Variants in DESI1 observed in about 807,000 individuals in gnomAD.
DESI1 encodes desumoylating isopeptidase 1.
A neutral mutation model predicts 22.4 loss-of-function variants in DESI1; 17 were observed. The observed-to-expected ratio is 0.76, with a 90% CI of 0.52 to 1.14. The LOEUF (loss-of-function observed/expected upper bound fraction) is 1.14, where lower values mean the gene tolerates loss of function less well. Among genes scored for constraint, DESI1 ranks in the 50% most tolerant of loss-of-function variants. The pLI is 0.00. For missense variants in DESI1, 177 were observed against 208.9 expected (o/e 0.85, Z 0.94); for synonymous variants, 92 against 84.2 (o/e 1.09, Z -0.51).
intron 5 of DESI1, chr22:41,602,295 C>T (rs935961633): frequency 1.0e-6 from 1 of 985,418 alleles, no homozygotes; most frequent in South Asian, 4.7e-5. Flanking sequence ...ATAATAACAG[C>T]AAGCACATTC....
intron 1 of DESI1, among the ~76,000 whole-genome samples, chr22:41,610,366 G>T (rs2067509743): frequency 1.3e-5 from 2 of 150,960 alleles, no homozygotes; most frequent in African/African-American, 4.9e-5. Context: ...TGGGCAACAG[G>T]GTGAGACTCT....
intron 3 of DESI1, among the ~76,000 whole-genome samples, chr22:41,604,813 G>A (rs2147039386): frequency 6.6e-6 from 1 of 152,154 alleles, no homozygotes; most frequent in African/African-American, 2.4e-5. Context: ...AGCTGTCCTG[G>A]GCTGCGTATG....
intron 4 of DESI1, 22 bp from the exon 5 acceptor site, chr22:41,603,403 G>A (rs1370481690): frequency 6.2e-7 from 1 of 1,613,958 alleles, no homozygotes; most frequent in Middle Eastern, 1.6e-4. Flanking sequence ...AAGGTTTGCA[G>A]AACATATATG....
intron 3 of DESI1, among the ~76,000 whole-genome samples, chr22:41,606,736 T>C (rs1361638661): frequency 8.4e-6 from 1 of 118,528 alleles, no homozygotes; most frequent in African/African-American, 3.4e-5. Context: ...ATCGCACCAC[T>C]GCACTTCAGT....
At chr22:41,609,288 C>G (rs2067502195) in intron 1 of DESI1, among the ~76,000 whole-genome samples, 1 of 152,214 alleles carries the variant, frequency 6.6e-6, no homozygotes, top group Admixed American at 6.5e-5. Flanking sequence ...GGTTCAGATC[C>G]TGGATTTTCC....
chr22:41,607,931 T>G, intron 1 of DESI1, 70 bp from the exon 2 acceptor site: 1 of 1,571,464 alleles, frequency 6.4e-7, no homozygotes, highest in East Asian at 2.2e-5. Flanking sequence ...GGTAAATTCA[T>G]GACATCACTC....
chr22:41,612,338 A>G (rs1363579521), intron 1 of DESI1, among the ~76,000 whole-genome samples: 1 of 151,876 alleles, frequency 6.6e-6, no homozygotes, highest in East Asian at 1.9e-4. Context: ...GTGAAACCCC[A>G]TCTCTACTAA....
intron 1 of DESI1, among the ~76,000 whole-genome samples, chr22:41,610,571 A>G (rs1163985887): frequency 6.6e-6 from 1 of 152,156 alleles, no homozygotes; most frequent in Non-Finnish European, 1.5e-5. Context: ...CTCTGTTCCA[A>G]TTCCAGAGAT....
chr22:41,617,293 A>G (rs572601336), intron 1 of DESI1, among the ~76,000 whole-genome samples: 1 of 152,304 alleles, frequency 6.6e-6, no homozygotes, highest in East Asian at 1.9e-4. Flanking sequence ...AGGTTCTTCA[A>G]TCAAGAAAAT....
intron 3 of DESI1, 94 bp from the exon 4 acceptor site, chr22:41,604,247 TGAC>T (rs2067466173): frequency 1.3e-6 from 1 of 774,558 alleles, no homozygotes; most frequent in Non-Finnish European, 1.9e-6. Context: ...CACTCTGTTC[TGAC>T]TTTTTTTTTT....
chr22:41,619,167 A>G (rs2067567541), intron 1 of DESI1, among the ~76,000 whole-genome samples: 1 of 152,214 alleles, frequency 6.6e-6, no homozygotes, highest in African/African-American at 2.4e-5. Flanking sequence ...ATGTGCCTCA[A>G]TCATTTTAAC....
chr22:41,604,556 A>C (rs1247830825), intron 3 of DESI1, among the ~76,000 whole-genome samples: 1 of 151,994 alleles, frequency 6.6e-6, no homozygotes, highest in African/African-American at 2.4e-5. Context: ...CTGACTTCAT[A>C]TTTAACTTGC....
chr22:41,602,996 A>C, intron 5 of DESI1: 1 of 591,800 alleles, frequency 1.7e-6, no homozygotes, highest in Non-Finnish European at 2.7e-6. Context: ...ATTTTGTGCA[A>C]GTACTGAAGC....
chr22:41,605,066 G>A lies in DESI1; in HGVS notation c.181-913C>T, dbSNP rs543686668. On this transcript the variant is annotated intron_variant, in intron 3 of 5. Transcript: ENST00000263256. ...TATGTCTCATCATGAGGACAGAACAGGACAACAGAAATGGCTCACACTTCA... is the reference window on the plus strand; with the variant it reads ...TATGTCTCATCATGAGGACAGAACAAGACAACAGAAATGGCTCACACTTCA... Among the ~76,000 whole-genome samples, 50 of 152,262 alleles carry A rather than the reference G, an allele frequency of 3.3e-4. 1 individual carries two copies. The East Asian group carries it at 5.0e-3, about 15-fold the overall frequency.
Position 41,620,921 on chromosome 22 carries a change from G to A in DESI1, c.-82C>T. ...ACCTTCCCGTACCCGACGGGAGTGC[G>A]AAGCGGAGGGAGAGGGGGGGACCGA... is the stretch of plus-strand genomic sequence containing the variant. On this transcript the variant is annotated 5_prime_UTR_variant, in exon 1 of 6. Transcript: ENST00000263256. 2.7e-6 allele frequency: 4 copies of A among 1,480,536 alleles called. No homozygotes were observed. The highest frequency in any genetic ancestry group is 3.7e-6 in the Non-Finnish European group (4 of 1,087,816). The allele number at this position is 1,480,536 out of a possible 1,614,324, so 91.7% of individuals were successfully genotyped here. A position where few individuals can be genotyped will look rare whatever the true frequency, so the allele number is the denominator to read the frequency against.
intron 1 of DESI1, 61 bp from the exon 2 acceptor site, chr22:41,607,922 G>A: frequency 1.3e-6 from 2 of 1,591,554 alleles, no homozygotes; most frequent in Non-Finnish European, 1.7e-6. Flanking sequence ...CTCAGCCTTG[G>A]TAAATTCATG....
chr22:41,618,525 T>G (rs556468427), intron 1 of DESI1, among the ~76,000 whole-genome samples: 1 of 152,344 alleles, frequency 6.6e-6, no homozygotes, highest in Admixed American at 6.5e-5. Flanking sequence ...TTGTTCATTA[T>G]ATCAACCTCA....
intron 1 of DESI1, among the ~76,000 whole-genome samples, chr22:41,608,097 TAC>T (rs1323527822): frequency 6.6e-6 from 1 of 152,202 alleles, no homozygotes; most frequent in Non-Finnish European, 1.5e-5. Context: ...AGTATAAAGG[TAC>T]CCCAGTTTTA....
intron 1 of DESI1, among the ~76,000 whole-genome samples, chr22:41,614,060 G>A (rs998399397): frequency 1.3e-5 from 2 of 151,188 alleles, no homozygotes; most frequent in Non-Finnish European, 2.9e-5. Context: ...TTTTTAAGAC[G>A]GAGTCTCGCT....
Sources: gnomAD v4.1 joint callset for allele counts (sites outside exome capture counted in the v4.1 genomes callset) on GRCh38, gnomAD v4.1.1 for gene constraint, MANE v1.5 for transcripts, NCBI Gene and HGNC (gene_info 2026-07-23, HGNC 2026-07-21) for gene names.